Variants in CLMN observed in about 807,000 individuals in gnomAD.
CLMN encodes the protein calmin, also known as calmin (calponin-like, transmembrane).
In CLMN, 57 loss-of-function variants were observed where a neutral mutation model predicts 92.7. That is an observed-to-expected ratio of 0.61 (90% CI 0.50 to 0.77). CLMN has a LOEUF of 0.77. CLMN is among the 30% of genes least tolerant of loss of function. CLMN has a pLI of 0.00. For missense variants in CLMN, 1,158 were observed against 1,237.5 expected (o/e 0.94, Z 0.96); for synonymous variants, 466 against 470.6 (o/e 0.99, Z 0.13).
Position 95,191,936 on chromosome 14 carries a change from T to A in CLMN, c.2841-204A>T, listed in dbSNP as rs1165448773. ...GCCATCCAGGCAGCCCCTCGAGCTT[T>A]TGCACGTACTCCGTTCATCTCCATA... On this transcript the variant is annotated intron_variant, in intron 12 of 12. Coordinates refer to ENST00000298912, the MANE Select transcript of CLMN (RefSeq NM_024734.4). The surrounding 1 kb of genome is among the most constrained non-coding windows in gnomAD (Gnocchi z 5.3). 4 of 485,614 alleles carry A rather than the reference T, an allele frequency of 8.2e-6. No homozygotes were observed. The highest frequency in any genetic ancestry group is 3.7e-5 in the Admixed American group (1 of 26,760). 30.1% of individuals were successfully genotyped at this position (485,614 alleles called of 1,614,324 possible).
chr14:95,268,458 T>C (rs1207001634), intron 1 of CLMN, among the ~76,000 whole-genome samples: 3 of 151,738 alleles, frequency 2.0e-5, no homozygotes, highest in Non-Finnish European at 4.4e-5. Context: ...GACAGAATTC[T>C]AGAGTTGGAA....
At chr14:95,273,196 A>G (rs911572182) in intron 1 of CLMN, among the ~76,000 whole-genome samples, 7 of 152,214 alleles carry the variant, frequency 4.6e-5, no homozygotes, top group African/African-American at 1.7e-4. Context: ...AAGAGACACC[A>G]GCAGGTGAGA....
chr14:95,308,060 C>T (rs1901362403), intron 1 of CLMN, among the ~76,000 whole-genome samples: 1 of 152,204 alleles, frequency 6.6e-6, no homozygotes, highest in African/African-American at 2.4e-5. Context: ...AGGGTGGTTC[C>T]CATGGCTGCC....
intron 1 of CLMN, among the ~76,000 whole-genome samples, chr14:95,260,970 CTT>C (rs1453365560): frequency 6.6e-6 from 1 of 152,050 alleles, no homozygotes; most frequent in Non-Finnish European, 1.5e-5. Context: ...ACCCTTGACT[CTT>C]GTTTCATGTG....
chr14:95,214,012 T>G (rs548657728), intron 5 of CLMN, among the ~76,000 whole-genome samples: 1 of 152,136 alleles, frequency 6.6e-6, no homozygotes, highest in South Asian at 2.1e-4. Context: ...AACCCAGCTC[T>G]GGTGTCACTT....
intron 1 of CLMN, among the ~76,000 whole-genome samples, chr14:95,291,056 G>C (rs979041784): frequency 3.9e-5 from 6 of 152,208 alleles, no homozygotes; most frequent in Non-Finnish European, 8.8e-5. Context: ...AGCTGACCAC[G>C]CTCTTCTGTC....
chr14:95,312,153 C>G (rs993031602), intron 1 of CLMN, among the ~76,000 whole-genome samples: 1 of 152,174 alleles, frequency 6.6e-6, no homozygotes, highest in African/African-American at 2.4e-5. Flanking sequence ...CCCCACCCTA[C>G]ACTCCTGCAG....
intron 2 of CLMN, among the ~76,000 whole-genome samples, chr14:95,227,903 T>G (rs1432055453): frequency 2.0e-5 from 3 of 152,252 alleles, no homozygotes; most frequent in South Asian, 2.1e-4. Flanking sequence ...TTCCTTTACA[T>G]GCAAGGTTGT....
intron 1 of CLMN, among the ~76,000 whole-genome samples, chr14:95,271,012 G>T (rs1899687291): frequency 6.6e-6 from 1 of 152,190 alleles, no homozygotes; most frequent in Admixed American, 6.5e-5. Flanking sequence ...GTTTGTGGAT[G>T]TGAAGTGGCA....
intron 1 of CLMN, among the ~76,000 whole-genome samples, chr14:95,297,492 T>C (rs1900853845): frequency 1.3e-5 from 2 of 152,188 alleles, no homozygotes; most frequent in South Asian, 4.1e-4. Flanking sequence ...CAAAATTCCT[T>C]TGTGTCCTAT....
chr14:95,313,821 G>C (rs1435533509), intron 1 of CLMN, among the ~76,000 whole-genome samples: 1 of 152,266 alleles, frequency 6.6e-6, no homozygotes, highest in Non-Finnish European at 1.5e-5. Context: ...TTTGTCCAGA[G>C]CCTCAGCTAT....
chr14:95,318,543 C>A (rs540982641), intron 1 of CLMN, among the ~76,000 whole-genome samples: 1 of 152,262 alleles, frequency 6.6e-6, no homozygotes, highest in Non-Finnish European at 1.5e-5. Flanking sequence ...ACTGCTCGGC[C>A]ATCCCCCAGC....
At chr14:95,272,134 C>T (rs963660769) in intron 1 of CLMN, among the ~76,000 whole-genome samples, 6 of 152,190 alleles carry the variant, frequency 3.9e-5, no homozygotes, top group South Asian at 2.1e-4. Context: ...GTGTACAAGA[C>T]GTTTCGTTTG....
At chr14:95,305,602 C>T (rs1035912633) in intron 1 of CLMN, among the ~76,000 whole-genome samples, 3 of 152,138 alleles carry the variant, frequency 2.0e-5, no homozygotes, top group African/African-American at 7.2e-5. Context: ...AAAAGGAGTT[C>T]TAGAAGGTCA....
At chr14:95,291,713 A>G (rs1484904588) in intron 1 of CLMN, among the ~76,000 whole-genome samples, 1 of 152,188 alleles carries the variant, frequency 6.6e-6, no homozygotes, top group East Asian at 1.9e-4. Context: ...TCTGTCCTCT[A>G]AGATCACCAG....
chr14:95,273,546 A>T (rs757792903), intron 1 of CLMN, among the ~76,000 whole-genome samples: 1 of 152,194 alleles, frequency 6.6e-6, no homozygotes, highest in South Asian at 2.1e-4. Flanking sequence ...CCAGTGCAGT[A>T]AGCCATGCTC....
chr14:95,269,164 C>G (rs138001532), intron 1 of CLMN, among the ~76,000 whole-genome samples: 6 of 152,050 alleles, frequency 3.9e-5, no homozygotes, highest in Non-Finnish European at 5.9e-5. Context: ...ATAATAAAAA[C>G]TCTTCATCCA....
intron 2 of CLMN, among the ~76,000 whole-genome samples, chr14:95,224,265 T>TTTTA (rs202079432): frequency 0.076 from 11,512 of 151,644 alleles, 531 homozygotes; most frequent in African/African-American, 0.093. Flanking sequence ...AAGCCCTTCA[T>TTTTA]TTTATTTATT....
In CLMN at chr14:95,204,261, C is replaced by A. The variant is rs769478703; in HGVS notation, c.1088G>T (p.Arg363Leu). The A allele has an allele frequency of 1.9e-6, 3 of 1,614,022 alleles. No homozygotes were observed. The highest frequency in any genetic ancestry group is 2.5e-6 in the Non-Finnish European group (3 of 1,180,000). ...CDKPESMKEF[R>L]LDGVSSHALS... ...CGCATGGCTGGAAACACCATCCAGGCGGAATTCCTTCATGCTCTCGGGCTT... is the reference window on the plus strand; with the variant it reads ...CGCATGGCTGGAAACACCATCCAGGAGGAATTCCTTCATGCTCTCGGGCTT... The change falls in exon 9 of 13, where the codon CGC (arginine) becomes CTC (leucine). Residue 363 changes from arginine (R) to leucine (L), a missense_variant. Coordinates refer to ENST00000298912, the MANE Select transcript of CLMN (RefSeq NM_024734.4).
Sources: gnomAD v4.1 joint callset for allele counts (sites outside exome capture counted in the v4.1 genomes callset) on GRCh38, gnomAD v4.1.1 for gene constraint, Gnocchi (gnomAD v3.1) non-coding constraint, MANE v1.5 for transcripts, NCBI Gene and HGNC (gene_info 2026-07-23, HGNC 2026-07-21) for gene names.